OR8G5: variants seen among roughly 807,000 people sequenced by gnomAD.
OR8G5 encodes the protein olfactory receptor family 8 subfamily G member 5, also known as olfactory receptor 8G5.
For synonymous variants in OR8G5, 147 were observed against 147.7 expected, an observed-to-expected ratio of 1.00 and a Z score of 0.03; for missense variants, 347 against 371.9, an observed-to-expected ratio of 0.93 and a Z score of 0.55.
chr11:124,263,672 T>A (rs1861997925), intron 1 of OR8G5, among the ~76,000 whole-genome samples: 4 of 152,096 alleles, frequency 2.6e-5, no homozygotes, highest in Admixed American at 2.6e-4. Context: ...TTCTAAGAAA[T>A]CATAAACTTT....
chr11:124,261,053 G>T (rs2466670), intron 1 of OR8G5, among the ~76,000 whole-genome samples: 1 of 151,148 alleles, frequency 6.6e-6, no homozygotes. Context: ...TAGCTTCCAC[G>T]TATGAGTAAG....
intron 1 of OR8G5, 166 bp from the exon 2 acceptor site, chr11:124,264,752 C>A: frequency 1.4e-6 from 1 of 739,220 alleles, no homozygotes; most frequent in Non-Finnish European, 2.2e-6. Flanking sequence ...TATAGAATAC[C>A]AGTTACTAGA....
At chr11:124,263,203 G>A (rs2512176) in intron 1 of OR8G5, among the ~76,000 whole-genome samples, 129,875 of 152,082 alleles carry the variant, frequency 0.85, 55,551 homozygotes, top group East Asian at 0.89. Flanking sequence ...TGTTATTTAC[G>A]TATTTTAGAT....
chr11:124,261,396 A>T (rs1161783484), intron 1 of OR8G5, among the ~76,000 whole-genome samples: 2 of 152,012 alleles, frequency 1.3e-5, no homozygotes, highest in Non-Finnish European at 2.9e-5. Context: ...AGTGAAAAAT[A>T]GTATGCTGTG....
At chr11:124,257,570 A>G (rs1286349287) in intron 1 of OR8G5, among the ~76,000 whole-genome samples, 1 of 152,078 alleles carries the variant, frequency 6.6e-6, no homozygotes, top group Non-Finnish European at 1.5e-5. Flanking sequence ...ATGCATGGGG[A>G]CACAGGTTGT....
At chr11:124,263,001 TTTTG>T (rs200185286) in intron 1 of OR8G5, among the ~76,000 whole-genome samples, 2 of 152,284 alleles carry the variant, frequency 1.3e-5, no homozygotes, top group Non-Finnish European at 2.9e-5. Flanking sequence ...TTTTGTTTTG[TTTTG>T]TTTTTTCTAT....
intron 1 of OR8G5, among the ~76,000 whole-genome samples, chr11:124,263,312 CATT>C (rs747543082): frequency 5.3e-5 from 8 of 151,722 alleles, no homozygotes; most frequent in Admixed American, 1.3e-4. Context: ...ATAATCGAAA[CATT>C]GTTAGTTTTT....
chr11:124,264,806 A>G lies in OR8G5; in HGVS notation c.-14-112A>G, dbSNP rs540878100. On this transcript the variant is annotated intron_variant, in intron 1 of 1. Coordinates refer to ENST00000641992, the MANE Select transcript of OR8G5 (RefSeq NM_001005198.2). ...GCTAAATTGGGATAAATTATGATTC[A>G]GTTAATTGAACCGGAGTTAAATGAT... is the stretch of plus-strand genomic sequence containing the variant. The G allele has an allele frequency of 6.9e-5, 91 of 1,327,158 alleles. No homozygotes were observed. The East Asian group carries it at 1.1e-3, about 17-fold the overall frequency. 82.2% of individuals were successfully genotyped at this position (1,327,158 alleles called of 1,614,324 possible). A position where few individuals can be genotyped will look rare whatever the true frequency, so the allele number is the denominator to read the frequency against.
Position 124,265,919 on chromosome 11 carries a change from A to T in OR8G5, c.*52A>T, listed in dbSNP as rs1240910667. 1.7e-5 allele frequency: 25 copies of T among 1,502,626 alleles called. No homozygotes were observed. Among genetic ancestry groups the T allele is most frequent in the Non-Finnish European group, 2.0e-5 (23 of 1,126,870 alleles). The allele number at this position is 1,502,626 out of a possible 1,614,324, so 93.1% of individuals were successfully genotyped here. ...TTAGATCTAAGTTTTTGGCTATGAT[A>T]TTGTATGAAATGATGTCTTTCACTT... On this transcript the variant is annotated 3_prime_UTR_variant, in exon 2 of 2. Transcript: ENST00000641992.
rs1276363044 is a variant in OR8G5 at position 124,265,586 on chromosome 11, A to G, written c.655A>G (p.Ile219Val). The G allele has an allele frequency of 1.9e-6, 3 of 1,613,738 alleles. No individual in the cohort carries two copies. The highest frequency in any genetic ancestry group is 2.2e-5 in the East Asian group (1 of 44,886). ...CAGCCTGACCATCCTCAGCTCTTAC[A>G]TCTTCATCATTGCCAGCATCCTCCG... ...VPSLTILSSY[I>V]FIIASILRIR... The change falls in exon 2 of 2, where the codon ATC (isoleucine) becomes GTC (valine). Residue 219 changes from isoleucine to valine, a missense_variant. Physicochemically the swap from Ile to Val is conservative, Grantham distance 29. Transcript: ENST00000641992.
At chr11:124,259,714 A>G (rs183180575) in intron 1 of OR8G5, among the ~76,000 whole-genome samples, 2 of 152,236 alleles carry the variant, frequency 1.3e-5, no homozygotes, top group African/African-American at 4.8e-5. Context: ...ATTGGGAAAT[A>G]CCTGAATCAA....
At chr11:124,262,429 GAA>G (rs1157998941) in intron 1 of OR8G5, among the ~76,000 whole-genome samples, 1 of 151,614 alleles carries the variant, frequency 6.6e-6, no homozygotes, top group Non-Finnish European at 1.5e-5. Flanking sequence ...AAACTAAAAA[GAA>G]AGATAAAATC....
rs765346489 is a variant in OR8G5, at chr11:124,265,339, A to G, written c.408A>G (p.Ile136Met). The G allele has an allele frequency of 1.9e-6, 3 of 1,613,968 alleles. No individual in the cohort carries two copies. Among genetic ancestry groups the G allele is most frequent in the Admixed American group, 1.7e-5 (1 of 60,014 alleles). ...ICSPLLYSII[I>M]SNKACFSLIL... is the part of the protein sequence containing the mutation. ...GCCCCTTGCTGTACAGCATCATCAT[A>G]TCCAATAAGGCTTGCTTTTCTCTGA... The change falls in exon 2 of 2, where the codon ATA (isoleucine) becomes ATG (methionine). Residue 136 changes from isoleucine to methionine, a missense_variant. By Grantham distance (10) the Ile-to-Met change is conservative (BLOSUM62 1). Transcript: ENST00000641992.
At chr11:124,263,354 A>ATTTTG (rs1555053087) in intron 1 of OR8G5, among the ~76,000 whole-genome samples, 1 of 151,780 alleles carries the variant, frequency 6.6e-6, no homozygotes, top group Non-Finnish European at 1.5e-5. Flanking sequence ...AAAATATTTT[A>ATTTTG]TTTTTTATTA....
In OR8G5 at chr11:124,265,089, C is replaced by T. The variant is rs183027769; in HGVS notation, c.158C>T (p.Ser53Phe). The T allele has an allele frequency of 1.6e-4, 261 of 1,614,174 alleles. 4 individuals carry two copies. In the East Asian group the frequency reaches 5.7e-3, roughly 36 times the overall value. ...ATGATCACACTGATTGGGCTCAGTT[C>T]TCACCTGCACACACCTATGTACTGT... ...LGMITLIGLS[S>F]HLHTPMYCFL... The change falls in exon 2 of 2, where the codon TCT becomes TTT. Residue 53 changes from serine (S) to phenylalanine (F), a missense_variant. Coordinates refer to ENST00000641992, the MANE Select transcript of OR8G5 (RefSeq NM_001005198.2).
Position 124,265,408 on chromosome 11 carries a change from T to C in OR8G5, c.477T>C (p.His159=), listed in dbSNP as rs756937493. ...YVIGLICASA[H]IGCMFRVQFC... ...TAGGCCTGATTTGTGCGTCAGCTCA[T>C]ATAGGCTGTATGTTTAGGGTTCAAT... is the stretch of plus-strand genomic sequence containing the variant. The change falls in exon 2 of 2, where the codon CAT becomes CAC. Residue 159 remains histidine, a synonymous_variant. Transcript: ENST00000641992. 124 of 1,613,930 alleles carry C rather than the reference T, an allele frequency of 7.7e-5. No individual in the cohort carries two copies. Among genetic ancestry groups the C allele is most frequent in the Non-Finnish European group, 9.4e-5 (111 of 1,179,888 alleles).
rs1861915878 is a variant in OR8G5, at chr11:124,256,626, AAAAG to A, written c.-18_-15del. The A allele has an allele frequency of 6.6e-6, 1 of 152,256 alleles. No individual in the cohort carries two copies. Among genetic ancestry groups the A allele is most frequent in the South Asian group, 2.1e-4 (1 of 4,832 alleles). The allele number at this position is 152,256 out of a possible 1,614,324, so 9.4% of individuals were successfully genotyped here. ...AAAATTTGGAACTGAGGTTTCAGGCAAAAGAAAGGTGAGTGTGTTCATCTCACAC... is the reference window on the plus strand; with the variant it reads ...AAAATTTGGAACTGAGGTTTCAGGCAAAAGGTGAGTGTGTTCATCTCACAC... On this transcript the variant is annotated 5_prime_UTR_variant, in exon 1 of 2. Coordinates refer to ENST00000641992, the MANE Select transcript of OR8G5 (RefSeq NM_001005198.2).
chr11:124,264,962 A>G lies in OR8G5; in HGVS notation c.31A>G (p.Lys11Glu). 1 of 1,613,870 alleles carries G rather than the reference A, an allele frequency of 6.2e-7. No individual in the cohort carries two copies. The highest frequency in any genetic ancestry group is 8.5e-7 in the Non-Finnish European group (1 of 1,179,842). The change falls in exon 2 of 2, where the codon AAG becomes GAG. Residue 11 changes from lysine (K) to glutamate (E), a missense_variant. Lys to Glu is a moderately conservative substitution (Grantham distance 56, BLOSUM62 1). Coordinates refer to ENST00000641992, the MANE Select transcript of OR8G5 (RefSeq NM_001005198.2). ...AGCAGAAAACCATTCTTTTGTGACT[A>G]AGTTTATTCTGGTTGGGCTAACAGA... The part of the protein sequence containing the change: MAAENHSFVT[K>E]FILVGLTEKS...
At chr11:124,262,994 T>C (rs1022089848) in intron 1 of OR8G5, among the ~76,000 whole-genome samples, 9 of 119,828 alleles carry the variant, frequency 7.5e-5, no homozygotes, top group Non-Finnish European at 1.2e-4. Context: ...CAGGTGTTTT[T>C]GTTTTGTTTT....
Sources: allele counts gnomAD v4.1 joint callset (sites outside exome capture counted in the v4.1 genomes callset), GRCh38; gene constraint gnomAD v4.1.1; transcripts MANE v1.5; gene names NCBI Gene and HGNC (gene_info 2026-07-23, HGNC 2026-07-21).